The following NTN1 variants were observed in gnomAD, a reference collection of about 807,000 sequenced individuals.
The protein encoded by NTN1 is netrin-1.
In NTN1, 11 loss-of-function variants were observed where a neutral mutation model predicts 54.2. The ratio of observed to expected loss-of-function variants is 0.20; its 90% CI spans 0.13 to 0.34. The LOEUF is 0.34. NTN1 is among the 10% of genes least tolerant of loss of function. The pLI, the probability that NTN1 is intolerant of heterozygous loss-of-function variation, is 1.00. For synonymous variants in NTN1, 371 were observed against 382.0 expected, an observed-to-expected ratio of 0.97 and a Z score of 0.33; for missense variants, 740 against 893.1, an observed-to-expected ratio of 0.83 and a Z score of 2.18.
intron 2 of NTN1, among the ~76,000 whole-genome samples, chr17:9,108,830 A>G (rs1406659122): frequency 6.6e-6 from 1 of 152,078 alleles, no homozygotes; most frequent in Non-Finnish European, 1.5e-5. Flanking sequence ...TTCACAGGAT[A>G]GTTATATCTT....
At chr17:9,059,893 A>T (rs1440559094) in intron 2 of NTN1, among the ~76,000 whole-genome samples, 1 of 151,324 alleles carries the variant, frequency 6.6e-6, no homozygotes. Flanking sequence ...CTAAACCACC[A>T]GGGCCACGTA....
chr17:9,113,478 T>C (rs2092199405), intron 2 of NTN1, among the ~76,000 whole-genome samples: 1 of 152,186 alleles, frequency 6.6e-6, no homozygotes, highest in South Asian at 2.1e-4. Flanking sequence ...GGCAGCTTGA[T>C]AGAATGTGAA....
At chr17:9,066,581 T>C (rs1348773425) in intron 2 of NTN1, among the ~76,000 whole-genome samples, 1 of 151,930 alleles carries the variant, frequency 6.6e-6, no homozygotes, top group Non-Finnish European at 1.5e-5. Context: ...TGAGCTGAGA[T>C]TGTGCCACTG....
intron 5 of NTN1, among the ~76,000 whole-genome samples, chr17:9,195,272 G>A (rs1284839910): frequency 1.3e-5 from 2 of 151,366 alleles, no homozygotes; most frequent in Non-Finnish European, 1.5e-5. Context: ...GGTTTCAGGA[G>A]CCCCATTGTT....
rs2091954821 is a variant in NTN1 at position 9,050,035 on chromosome 17, A to C, written c.1018+26644A>C. On this transcript the variant is annotated intron_variant, in intron 2 of 6. Coordinates refer to ENST00000173229, the MANE Select transcript of NTN1 (RefSeq NM_004822.3). Reference sequence around the variant, plus strand: ...GCCTAGGCGGGTGGATCATGAGGTCAGGAGATTGAGACCATCCTGGCTAAC... The same window carrying C: ...GCCTAGGCGGGTGGATCATGAGGTCCGGAGATTGAGACCATCCTGGCTAAC... 2.0e-5 allele frequency among the ~76,000 whole-genome samples: 3 copies of C among 151,492 alleles called. No individual in the cohort carries two copies. The South Asian group carries it at 6.3e-4, about 32-fold the overall frequency.
chr17:9,088,620 C>T (rs1333105736), intron 2 of NTN1, among the ~76,000 whole-genome samples: 1 of 152,100 alleles, frequency 6.6e-6, no homozygotes, highest in Non-Finnish European at 1.5e-5. Flanking sequence ...GACTGAGACC[C>T]CAGGGCAGAC....
Position 9,219,240 on chromosome 17 carries a change from C to T in NTN1, c.1412-1928C>T, listed in dbSNP as rs1001359811. Reference sequence around the variant, plus strand: ...GGGCTGCCGTCACTTTCATCCCAACCTCTCAGGCTTGGCCACAGTAGAGTG... The same window carrying T: ...GGGCTGCCGTCACTTTCATCCCAACTTCTCAGGCTTGGCCACAGTAGAGTG... On this transcript the variant is annotated intron_variant, in intron 5 of 6. Transcript: ENST00000173229. The surrounding 1 kb of genome is among the most constrained non-coding windows in gnomAD (Gnocchi z 4.5). Among the ~76,000 whole-genome samples the T allele has an allele frequency of 2.0e-5, 3 of 152,164 alleles. No individual in the cohort carries two copies. The highest frequency in any genetic ancestry group is 7.2e-5 in the African/African-American group (3 of 41,434).
intron 2 of NTN1, among the ~76,000 whole-genome samples, chr17:9,088,860 C>T (rs951521080): frequency 1.3e-5 from 2 of 152,128 alleles, no homozygotes; most frequent in African/African-American, 2.4e-5. Flanking sequence ...AACCTCTCTC[C>T]GGGTTCCTTG....
At chr17:9,210,774 C>T (rs375054241) in intron 5 of NTN1, among the ~76,000 whole-genome samples, 19 of 152,020 alleles carry the variant, frequency 1.2e-4, no homozygotes, top group African/African-American at 4.6e-4. Flanking sequence ...TGCATGATGG[C>T]AGGTGCCTGT....
intron 2 of NTN1, among the ~76,000 whole-genome samples, chr17:9,045,885 G>T (rs2091939940): frequency 6.6e-6 from 1 of 151,940 alleles, no homozygotes; most frequent in Admixed American, 6.6e-5. Context: ...ATCCATCAGA[G>T]ACTTAAAAAA....
At chr17:9,175,979 G>A (rs934655630) in intron 3 of NTN1, 7 of 152,230 alleles carry the variant, frequency 4.6e-5, no homozygotes, top group Admixed American at 4.6e-4. Flanking sequence ...GACTTCCAGG[G>A]ACATGGGAGC....
chr17:9,076,581 G>C (rs2092050791), intron 2 of NTN1, among the ~76,000 whole-genome samples: 1 of 152,056 alleles, frequency 6.6e-6, no homozygotes, highest in South Asian at 2.1e-4. Flanking sequence ...TCTCTATGTT[G>C]CTCAGGCTGG....
the NTN1 span, among the ~76,000 whole-genome samples, chr17:9,005,668 T>C: frequency 3.0e-4 from 46 of 152,336 alleles, no homozygotes; most frequent in African/African-American, 1.0e-3. Flanking sequence ...TCACATATGA[T>C]CTGCAGAACA....
intron 2 of NTN1, among the ~76,000 whole-genome samples, chr17:9,117,623 A>G (rs1451050185): frequency 1.3e-5 from 2 of 152,080 alleles, no homozygotes; most frequent in African/African-American, 2.4e-5. Flanking sequence ...GCACACCTGT[A>G]GTCCCAGCTA....
intron 3 of NTN1, chr17:9,176,387 G>A (rs2092400253): frequency 6.6e-6 from 1 of 152,306 alleles, no homozygotes; most frequent in Admixed American, 6.5e-5. Flanking sequence ...GAACTTTGAT[G>A]TGTCTGTGTC....
chr17:9,214,009 T>G (rs1286783516), intron 5 of NTN1, among the ~76,000 whole-genome samples: 1 of 151,502 alleles, frequency 6.6e-6, no homozygotes, highest in Non-Finnish European at 1.5e-5. Context: ...TGTTTTGTCT[T>G]TTTTTTTTCT....
At chr17:9,152,145 C>G (rs1482373855) in intron 2 of NTN1, among the ~76,000 whole-genome samples, 1 of 152,192 alleles carries the variant, frequency 6.6e-6, no homozygotes, top group Non-Finnish European at 1.5e-5. Flanking sequence ...TGCTGCCGCT[C>G]ACTCTTTGGG....
intron 6 of NTN1, among the ~76,000 whole-genome samples, chr17:9,230,952 G>A (rs567580892): frequency 6.6e-6 from 1 of 152,206 alleles, no homozygotes; most frequent in East Asian, 1.9e-4. Context: ...TACAGATGGG[G>A]ACACCAAAGC....
intron 2 of NTN1, among the ~76,000 whole-genome samples, chr17:9,119,380 G>A (rs2092225121): frequency 6.6e-6 from 1 of 152,086 alleles, no homozygotes; most frequent in Non-Finnish European, 1.5e-5. Flanking sequence ...TAGAGACAGA[G>A]TTTCACCATG....
Sources: allele counts gnomAD v4.1 joint callset (sites outside exome capture counted in the v4.1 genomes callset), GRCh38; gene constraint gnomAD v4.1.1; non-coding constraint Gnocchi (gnomAD v3.1); transcripts MANE v1.5; gene names NCBI Gene and HGNC (gene_info 2026-07-23, HGNC 2026-07-21).